ATP10A: variants seen among roughly 807,000 people sequenced by gnomAD.
ATP10A encodes ATPase phospholipid transporting 10A (putative), also known as phospholipid-transporting ATPase VA.
ATP10A carries 111 observed loss-of-function variants against 147.8 expected under a neutral mutation model. That is an observed-to-expected ratio of 0.75 (90% confidence interval 0.64 to 0.88). The LOEUF (loss-of-function observed/expected upper bound fraction) is 0.88. Among genes scored for constraint, ATP10A ranks in the 40% least tolerant of loss-of-function variants. The pLI is 0.00. For synonymous variants in ATP10A, 875 were observed against 841.6 expected (o/e 1.04, Z -0.69); for missense variants, 1,927 against 1,959.0 (o/e 0.98, Z 0.31).
chr15:25,689,687 G>A (rs571214003), intron 15 of ATP10A, among the ~76,000 whole-genome samples: 11 of 152,312 alleles, frequency 7.2e-5, no homozygotes, highest in Non-Finnish European at 1.5e-4. Context: ...CTTTACATAT[G>A]TGCAGAAGTG....
intron 1 of ATP10A, among the ~76,000 whole-genome samples, chr15:25,796,710 C>T (rs1487217886): frequency 6.6e-6 from 1 of 152,218 alleles, no homozygotes; most frequent in African/African-American, 2.4e-5. Context: ...CAGGTGCTAC[C>T]TGCCTGGAAC....
At chr15:25,682,429 AAC>A (rs1899472550) in intron 17 of ATP10A, among the ~76,000 whole-genome samples, 1 of 152,208 alleles carries the variant, frequency 6.6e-6, no homozygotes, top group South Asian at 2.1e-4. Context: ...ACCTGCAGGA[AAC>A]ACACACTGGG....
At chr15:25,746,691 G>C (rs1887859768) in intron 2 of ATP10A, among the ~76,000 whole-genome samples, 1 of 152,152 alleles carries the variant, frequency 6.6e-6, no homozygotes, top group Non-Finnish European at 1.5e-5. Flanking sequence ...CATTTGCTTT[G>C]AAATTATGTA....
chr15:25,776,662 G>A (rs970120977), intron 2 of ATP10A, among the ~76,000 whole-genome samples: 28 of 152,132 alleles, frequency 1.8e-4, no homozygotes, highest in African/African-American at 6.0e-4. Context: ...GAAATAGCTG[G>A]GTGATTTAAG....
At chr15:25,744,997 C>T (rs1596804497) in intron 2 of ATP10A, among the ~76,000 whole-genome samples, 1 of 152,146 alleles carries the variant, frequency 6.6e-6, no homozygotes, top group East Asian at 1.9e-4. Context: ...GCACATGACA[C>T]TAAAATGATG....
chr15:25,823,630 G>A (rs937560734), intron 1 of ATP10A, among the ~76,000 whole-genome samples: 2 of 152,142 alleles, frequency 1.3e-5, no homozygotes, highest in Admixed American at 1.3e-4. Flanking sequence ...TTTATTCACA[G>A]CACCAAAAGC....
chr15:25,760,231 G>T (rs1168058000), intron 2 of ATP10A, among the ~76,000 whole-genome samples: 1 of 152,176 alleles, frequency 6.6e-6, no homozygotes, highest in Non-Finnish European at 1.5e-5. Context: ...GCCAACATGG[G>T]CTTATCGAAT....
intron 1 of ATP10A, among the ~76,000 whole-genome samples, chr15:25,849,547 T>C (rs1001299379): frequency 3.3e-5 from 5 of 152,088 alleles, no homozygotes; most frequent in African/African-American, 1.2e-4. Context: ...TCCCATTAAG[T>C]CTGGCCAGAC....
At chr15:25,800,589 G>A (rs889768535) in intron 1 of ATP10A, among the ~76,000 whole-genome samples, 11 of 152,144 alleles carry the variant, frequency 7.2e-5, no homozygotes, top group African/African-American at 9.7e-5. Context: ...GCACCTTCCC[G>A]GAAGAAGCTA....
chr15:25,676,400 C>T (rs1388393577), downstream of ATP10A, among the ~76,000 whole-genome samples: 1 of 152,240 alleles, frequency 6.6e-6, no homozygotes, highest in Admixed American at 6.5e-5. Flanking sequence ...AGGGGAGAAG[C>T]TCTGCTTGTA....
At chr15:25,850,410 T>A (rs546981000) in intron 1 of ATP10A, among the ~76,000 whole-genome samples, 9 of 152,162 alleles carry the variant, frequency 5.9e-5, no homozygotes, top group African/African-American at 2.2e-4. Flanking sequence ...ACAAAACTGA[T>A]TTCCAACTTG....
At chr15:25,787,653 A>C (rs1596886852) in intron 1 of ATP10A, among the ~76,000 whole-genome samples, 1 of 152,142 alleles carries the variant, frequency 6.6e-6, no homozygotes, top group East Asian at 1.9e-4. Flanking sequence ...AGAAAAAGAA[A>C]AGAAAAAGGT....
chr15:25,774,098 C>A (rs188832665), intron 2 of ATP10A, among the ~76,000 whole-genome samples: 2 of 151,790 alleles, frequency 1.3e-5, no homozygotes, highest in African/African-American at 4.8e-5. Context: ...TCACATTGTA[C>A]GCTACCTTGA....
At chr15:25,718,427 A>G (rs1197979408) in intron 7 of ATP10A, 28 bp from the exon 8 acceptor site, 4 of 1,561,774 alleles carry the variant, frequency 2.6e-6, no homozygotes, top group Non-Finnish European at 2.6e-6. Context: ...AGGGTGAGGC[A>G]TCATGGGGGA....
chr15:25,697,113 C>A (rs1417468078), intron 13 of ATP10A, among the ~76,000 whole-genome samples: 2 of 152,182 alleles, frequency 1.3e-5, no homozygotes, highest in Non-Finnish European at 2.9e-5. Flanking sequence ...GGCTAACTGA[C>A]CCCATAATGT....
chr15:25,741,472 C>T (rs769876093), intron 2 of ATP10A, among the ~76,000 whole-genome samples: 11 of 152,180 alleles, frequency 7.2e-5, no homozygotes, highest in Admixed American at 1.3e-4. Context: ...GCCTCTAATC[C>T]GGCTCCTTAG....
intron 13 of ATP10A, among the ~76,000 whole-genome samples, chr15:25,696,854 A>G (rs755851122): frequency 1.2e-4 from 18 of 152,358 alleles, no homozygotes; most frequent in Non-Finnish European, 2.5e-4. Context: ...CAATTCTGCT[A>G]CCGTGGCTAT....
chr15:25,817,131 G>A (rs1206200999), intron 1 of ATP10A, among the ~76,000 whole-genome samples: 9 of 152,070 alleles, frequency 5.9e-5, no homozygotes, highest in Non-Finnish European at 1.3e-4. Context: ...CACCCAGGCT[G>A]GAGTACAATG....
chr15:25,741,874 C>A (rs532041453), intron 2 of ATP10A, among the ~76,000 whole-genome samples: 1 of 151,584 alleles, frequency 6.6e-6, no homozygotes, highest in East Asian at 1.9e-4. Context: ...AATAAATACC[C>A]AAGTGAAAGC....
Sources: gnomAD v4.1 joint callset for allele counts (sites outside exome capture counted in the v4.1 genomes callset) on GRCh38, gnomAD v4.1.1 for gene constraint, MANE v1.5 for transcripts, NCBI Gene and HGNC (gene_info 2026-07-23, HGNC 2026-07-21) for gene names.